Variants in POU6F2 observed in about 807,000 individuals in gnomAD.
POU6F2 encodes the protein POU domain, class 6, transcription factor 2.
A neutral mutation model predicts 71.3 loss-of-function variants in POU6F2; 31 were observed. The ratio of observed to expected loss-of-function variants is 0.43; its 90% CI spans 0.33 to 0.59. The LOEUF (loss-of-function observed/expected upper bound fraction) is 0.59. POU6F2 is among the 20% of genes least tolerant of loss of function. The pLI is 0.04. For synonymous variants in POU6F2, 347 were observed against 355.7 expected, an observed-to-expected ratio of 0.98 and a Z score of 0.27; for missense variants, 783 against 856.8, an observed-to-expected ratio of 0.91 and a Z score of 1.07.
intron 1 of POU6F2, among the ~76,000 whole-genome samples, chr7:39,021,558 T>C (rs1482947272): frequency 1.3e-5 from 2 of 152,032 alleles, no homozygotes; most frequent in Non-Finnish European, 2.9e-5. Context: ...ATTCTTTCTT[T>C]GTAATTGATC....
At chr7:39,370,020 C>T (rs964967629) in intron 5 of POU6F2, among the ~76,000 whole-genome samples, 1 of 152,162 alleles carries the variant, frequency 6.6e-6, no homozygotes, top group Non-Finnish European at 1.5e-5. Context: ...TTGAACACTT[C>T]ATAGACTGAG....
intron 6 of POU6F2, among the ~76,000 whole-genome samples, chr7:39,410,146 G>A (rs1009150377): frequency 1.3e-5 from 2 of 152,124 alleles, no homozygotes; most frequent in Non-Finnish European, 2.9e-5. Flanking sequence ...CCAGGAATTT[G>A]AGACCAGCCT....
At chr7:39,127,717 G>A (rs1792168941) in intron 2 of POU6F2, among the ~76,000 whole-genome samples, 1 of 152,080 alleles carries the variant, frequency 6.6e-6, no homozygotes, top group Non-Finnish European at 1.5e-5. Flanking sequence ...GAGATGTGGG[G>A]AAAGTTTGTT....
rs1218295886 is a variant in POU6F2, at chr7:39,179,087, A to ATACAAC, written c.278-25148_278-25147insTACAAC. On this transcript the variant is annotated intron_variant, in intron 2 of 9. Transcript: ENST00000518318. ...GATACCTGGAGTTTAGATTCCATAA[A>ATACAAC]GATAACATGATTGTATTCCACCTTA... 1.8e-3 allele frequency among the ~76,000 whole-genome samples: 279 copies of ATACAAC among 152,328 alleles called. 3 individuals carry two copies. Among genetic ancestry groups the ATACAAC allele is most frequent in the African/African-American group, 6.4e-3 (265 of 41,578 alleles).
At chr7:39,039,608 A>T (rs999858197) in intron 1 of POU6F2, among the ~76,000 whole-genome samples, 1 of 151,964 alleles carries the variant, frequency 6.6e-6, no homozygotes, top group East Asian at 1.9e-4. Flanking sequence ...AACTCTATCA[A>T]TTACTTAAAT....
At chr7:39,280,785 T>G (rs1259486821) in intron 4 of POU6F2, among the ~76,000 whole-genome samples, 1 of 152,254 alleles carries the variant, frequency 6.6e-6, no homozygotes, top group Admixed American at 6.5e-5. Context: ...CTTTGGGATT[T>G]CACTAAACTG....
At chr7:39,343,036 C>A (rs1785952411) in intron 5 of POU6F2, among the ~76,000 whole-genome samples, 1 of 152,156 alleles carries the variant, frequency 6.6e-6, no homozygotes, top group African/African-American at 2.4e-5. Flanking sequence ...TCTATAGATT[C>A]TCCATTGAGA....
intron 2 of POU6F2, among the ~76,000 whole-genome samples, chr7:39,103,149 C>G (rs187208470): frequency 1.1e-4 from 16 of 152,304 alleles, no homozygotes; most frequent in Non-Finnish European, 2.2e-4. Flanking sequence ...CAGAATTGGT[C>G]CCTCCTCTCG....
At chr7:39,463,717 G>T (rs1409416508) in intron 9 of POU6F2, among the ~76,000 whole-genome samples, 1 of 152,112 alleles carries the variant, frequency 6.6e-6, no homozygotes, top group Non-Finnish European at 1.5e-5. Context: ...CAAGTCAATG[G>T]GGGTAATTTA....
chr7:39,339,874 C>T lies in POU6F2; in HGVS notation c.831C>T (p.Pro277=), dbSNP rs749129641. ...PTSQLQQAPQ[P]QQHQPHSHSQ... Reference sequence around the variant, plus strand: ...CTCAGCTGCAACAGGCGCCTCAGCCCCAGCAGCACCAACCCCACTCCCACT... The same window carrying T: ...CTCAGCTGCAACAGGCGCCTCAGCCTCAGCAGCACCAACCCCACTCCCACT... The change falls in exon 5 of 10, where the codon CCC becomes CCT. Residue 277 remains proline, a synonymous_variant. Coordinates refer to ENST00000518318, the MANE Select transcript of POU6F2 (RefSeq NM_001370959.1). 6.2e-7 allele frequency: 1 copy of T among 1,613,178 alleles called. No homozygotes were observed.
intron 1 of POU6F2, among the ~76,000 whole-genome samples, chr7:38,995,467 A>T (rs1314909873): frequency 6.6e-6 from 1 of 152,238 alleles, no homozygotes; most frequent in African/African-American, 2.4e-5. Context: ...AACTTAAAGT[A>T]TAATACAAAA....
chr7:39,359,077 T>C (rs1001725010), intron 5 of POU6F2, among the ~76,000 whole-genome samples: 4 of 152,184 alleles, frequency 2.6e-5, no homozygotes, highest in Non-Finnish European at 5.9e-5. Flanking sequence ...ATGGTACATA[T>C]TTAATGTGGC....
chr7:39,235,960 A>T (rs1002458065), intron 4 of POU6F2, among the ~76,000 whole-genome samples: 2 of 152,200 alleles, frequency 1.3e-5, no homozygotes, highest in Non-Finnish European at 2.9e-5. Context: ...CTAAGATATG[A>T]TCATTATTGA....
chr7:39,228,919 G>A (rs1794521919), intron 4 of POU6F2, among the ~76,000 whole-genome samples: 1 of 152,180 alleles, frequency 6.6e-6, no homozygotes, highest in Non-Finnish European at 1.5e-5. Context: ...TCTGCAGAAA[G>A]TGTCAATGGG....
chr7:39,087,016 G>C (rs1791261011), intron 2 of POU6F2, among the ~76,000 whole-genome samples: 2 of 150,330 alleles, frequency 1.3e-5, no homozygotes, highest in Admixed American at 1.3e-4. Flanking sequence ...ATATATATCA[G>C]GCAGAGTACT....
At chr7:39,158,102 A>T (rs552254871) in intron 2 of POU6F2, among the ~76,000 whole-genome samples, 4 of 152,298 alleles carry the variant, frequency 2.6e-5, no homozygotes, top group Admixed American at 2.0e-4. Flanking sequence ...TTCATCTGTA[A>T]AATGTGGATA....
intron 2 of POU6F2, among the ~76,000 whole-genome samples, chr7:39,138,841 A>T (rs1792438722): frequency 6.6e-6 from 1 of 152,150 alleles, no homozygotes; most frequent in African/African-American, 2.4e-5. Context: ...CAGTGATCTA[A>T]TTGGCACAGC....
At chr7:39,052,152 A>C (rs1265844595) in intron 1 of POU6F2, among the ~76,000 whole-genome samples, 2 of 152,134 alleles carry the variant, frequency 1.3e-5, no homozygotes, top group Non-Finnish European at 2.9e-5. Flanking sequence ...GTGTCTTTCC[A>C]GTGTGACAGG....
intron 2 of POU6F2, among the ~76,000 whole-genome samples, chr7:39,090,535 C>T (rs556317208): frequency 3.0e-4 from 45 of 152,228 alleles, no homozygotes; most frequent in African/African-American, 1.1e-3. Flanking sequence ...CGTCTCTCTC[C>T]AGGCTTCAGT....
Sources: gnomAD v4.1 joint callset for allele counts (sites outside exome capture counted in the v4.1 genomes callset) on GRCh38, gnomAD v4.1.1 for gene constraint, MANE v1.5 for transcripts, NCBI Gene and HGNC (gene_info 2026-07-23, HGNC 2026-07-21) for gene names.